Variants in ACSBG1 observed in about 807,000 individuals in gnomAD.
ACSBG1 encodes acyl-CoA synthetase bubblegum family member 1.
A neutral mutation model predicts 80.2 loss-of-function variants in ACSBG1; 39 were observed. That is an observed-to-expected ratio of 0.49 (90% CI 0.38 to 0.64). The LOEUF (loss-of-function observed/expected upper bound fraction) is 0.64, where lower values mean the gene tolerates loss of function less well. Ranked by LOEUF, ACSBG1 falls within the 30% of genes least tolerant of loss-of-function variation. The pLI is 0.00. For synonymous variants in ACSBG1, 392 were observed against 379.5 expected (o/e 1.03, Z -0.38); for missense variants, 828 against 966.4 (o/e 0.86, Z 1.90).
rs1346961925 is a variant in ACSBG1 at position 78,170,051 on chromosome 15, A to G, written c.*1393T>C. Reference sequence around the variant, plus strand: ...TCTGCCTCAGCAGTACCAGTATAAGATGACATTCCAAAGACTGGAGGCAAC... The same window carrying G: ...TCTGCCTCAGCAGTACCAGTATAAGGTGACATTCCAAAGACTGGAGGCAAC... On this transcript the variant is annotated 3_prime_UTR_variant, in exon 14 of 14. Transcript: ENST00000258873. The G allele has an allele frequency of 1.3e-5, 2 of 152,244 alleles. No homozygotes were observed. Among genetic ancestry groups the G allele is most frequent in the Non-Finnish European group, 2.9e-5 (2 of 68,046 alleles). The allele number at this position is 152,244 out of a possible 1,614,324, so 9.4% of individuals were successfully genotyped here.
intron 2 of ACSBG1, among the ~76,000 whole-genome samples, chr15:78,205,574 C>G (rs2141364254): frequency 6.6e-6 from 1 of 152,330 alleles, no homozygotes; most frequent in South Asian, 2.1e-4. Context: ...GAGAAAATCA[C>G]TAACCCTCTC....
intron 10 of ACSBG1, 87 bp downstream of exon 10, chr15:78,179,462 AG>A: frequency 1.6e-6 from 2 of 1,224,480 alleles, no homozygotes; most frequent in Non-Finnish European, 2.3e-6. Context: ...TGCAAAGAGA[AG>A]GGGATCCCCA....
intron 1 of ACSBG1, chr15:78,213,978 G>A (rs1029452159): frequency 2.8e-4 from 43 of 152,152 alleles, no homozygotes; most frequent in African/African-American, 8.9e-4. Flanking sequence ...TGTGAACAGG[G>A]GTCTCCACGG....
intron 5 of ACSBG1, among the ~76,000 whole-genome samples, chr15:78,192,276 C>T (rs2075063643): frequency 6.6e-6 from 1 of 152,016 alleles, no homozygotes; most frequent in African/African-American, 2.4e-5. Context: ...TCCAGGTGAC[C>T]TCTGCGGCTG....
At position 78,173,604 on chromosome 15, in the gene ACSBG1, C is replaced by A; in HGVS notation, c.2078G>T (p.Gly693Val). Reference sequence around the variant, plus strand: ...AAGGAAAAACCTACCCAACTCTCCACCCGAAATGGAGAAGTCTCTCTCGAG... The same window carrying A: ...AAGGAAAAACCTACCCAACTCTCCAACCGAAATGGAGAAGTCTCTCTCGAG... ...AILERDFSIS[G>V]GELGPTMKLK... is the part of the protein sequence containing the mutation. The change falls in exon 13 of 14, where the codon GGT (glycine) becomes GTT (valine). Residue 693 changes from glycine to valine, a missense_variant. Gly to Val is a moderately radical substitution (Grantham distance 109, BLOSUM62 -3). Transcript: ENST00000258873. The A allele has an allele frequency of 6.2e-7, 1 of 1,614,170 alleles. No homozygotes were observed. The highest frequency in any genetic ancestry group is 1.7e-5 in the Admixed American group (1 of 60,026).
Position 78,172,511 on chromosome 15 carries a change from G to A in ACSBG1, c.2090-982C>T, listed in dbSNP as rs1286121936. On this transcript the variant is annotated intron_variant, in intron 13 of 13. Transcript: ENST00000258873. This position sits in a 1 kb window ranked among gnomAD's most constrained non-coding sequence, Gnocchi z 4.1. ...AAAGAGCTCTGATTTGAGGTCCTGGGTAGCTTAAAGTGCCTAACTCACTCT... is the reference window on the plus strand; with the variant it reads ...AAAGAGCTCTGATTTGAGGTCCTGGATAGCTTAAAGTGCCTAACTCACTCT... 2.0e-5 allele frequency among the ~76,000 whole-genome samples: 3 copies of A among 152,146 alleles called. No homozygotes were observed. The highest frequency in any genetic ancestry group is 7.2e-5 in the African/African-American group (3 of 41,428).
intron 8 of ACSBG1, 187 bp from the exon 9 acceptor site, chr15:78,181,123 T>A: frequency 1.5e-6 from 1 of 675,096 alleles, no homozygotes; most frequent in South Asian, 2.1e-5. Context: ...CACAGAACCC[T>A]GGTGGCAGGC....
intron 9 of ACSBG1, 100 bp downstream of exon 9, chr15:78,180,648 CGGCCACT>C: frequency 7.0e-7 from 1 of 1,431,720 alleles, no homozygotes; most frequent in East Asian, 2.3e-5. Context: ...CAGAGCTGCC[CGGCCACT>C]GGAACCGGGA....
chr15:78,203,749 A>G (rs2075189218), intron 2 of ACSBG1, among the ~76,000 whole-genome samples: 1 of 152,220 alleles, frequency 6.6e-6, no homozygotes, highest in Non-Finnish European at 1.5e-5. Flanking sequence ...GTCTGTGGGA[A>G]AGGCTGCAGG....
intron 1 of ACSBG1, among the ~76,000 whole-genome samples, chr15:78,227,357 T>A (rs910673529): frequency 2.7e-5 from 4 of 148,100 alleles, no homozygotes. Context: ...AAATCAATAA[T>A]AAAAGGATTA....
chr15:78,212,253 C>T (rs190692631), intron 1 of ACSBG1, among the ~76,000 whole-genome samples: 4 of 152,276 alleles, frequency 2.6e-5, no homozygotes, highest in Non-Finnish European at 5.9e-5. Flanking sequence ...GGCCGAGTCA[C>T]GGTTCCTCTC....
chr15:78,196,191 G>A (rs2075112843), intron 2 of ACSBG1, among the ~76,000 whole-genome samples: 1 of 152,344 alleles, frequency 6.6e-6, no homozygotes, highest in Middle Eastern at 3.4e-3. Flanking sequence ...AGGGAGCCCT[G>A]AGCCTTCAGG....
In ACSBG1 at chr15:78,189,015, T is replaced by C. The variant is rs1211030736; in HGVS notation, c.663+4491A>G. On this transcript the variant is annotated intron_variant, in intron 5 of 13. Coordinates refer to ENST00000258873, the MANE Select transcript of ACSBG1 (RefSeq NM_015162.5). ...CCCATCAAAAAGTGGGCGAAGGACATGAACAGACACTTCTCAAAAGAAGAC... is the reference window on the plus strand; with the variant it reads ...CCCATCAAAAAGTGGGCGAAGGACACGAACAGACACTTCTCAAAAGAAGAC... Among the ~76,000 whole-genome samples the C allele has an allele frequency of 7.1e-3, 1,072 of 151,276 alleles. 16 individuals are homozygous for C. Among genetic ancestry groups the C allele is most frequent in the African/African-American group, 0.025 (1,019 of 41,100 alleles).
intron 1 of ACSBG1, among the ~76,000 whole-genome samples, chr15:78,216,786 C>T (rs546660166): frequency 6.6e-6 from 1 of 152,292 alleles, no homozygotes; most frequent in African/African-American, 2.4e-5. Flanking sequence ...CACTTCTTAC[C>T]CAGTTGGCAG....
At chr15:78,222,895 AT>A (rs2075370251) in intron 1 of ACSBG1, among the ~76,000 whole-genome samples, 5 of 152,210 alleles carry the variant, frequency 3.3e-5, no homozygotes, top group Admixed American at 2.6e-4. Flanking sequence ...AAAGAATGAC[AT>A]TTTTATTTAA....
chr15:78,193,887 C>T (rs1377785859), intron 4 of ACSBG1, 45 bp downstream of exon 4: 1 of 1,604,504 alleles, frequency 6.2e-7, no homozygotes, highest in Non-Finnish European at 8.5e-7. Flanking sequence ...ACCCTCTGCC[C>T]ACTGCCAACC....
chr15:78,226,793 T>TATATATATATATA (rs71148506), intron 1 of ACSBG1, among the ~76,000 whole-genome samples: 1 of 129,020 alleles, frequency 7.8e-6, no homozygotes, highest in Non-Finnish European at 1.6e-5. Flanking sequence ...AAAATATATA[T>TATATATATATATA]ATATATATAA....
Position 78,169,034 on chromosome 15 carries a change from C to A in ACSBG1, c.*2410G>T. The A allele has an allele frequency of 1.4e-6, 2 of 1,385,008 alleles. No homozygotes were observed. Among genetic ancestry groups the A allele is most frequent in the South Asian group, 2.3e-5 (2 of 85,482 alleles). The allele number at this position is 1,385,008 out of a possible 1,614,324, so 85.8% of individuals were successfully genotyped here. On this transcript the variant is annotated 3_prime_UTR_variant, in exon 14 of 14. Transcript: ENST00000258873. ...TTCTACAACTGGCATTTACATCAGTCACTCTAAATGGACACCACATGAACC... is the reference window on the plus strand; with the variant it reads ...TTCTACAACTGGCATTTACATCAGTAACTCTAAATGGACACCACATGAACC...
chr15:78,180,790 C>T lies in ACSBG1; in HGVS notation c.1218G>A (p.Ser406=), dbSNP rs772265446. The T allele has an allele frequency of 7.8e-5, 126 of 1,614,044 alleles. No individual in the cohort carries two copies. The highest frequency in any genetic ancestry group is 8.1e-5 in the Non-Finnish European group (96 of 1,180,038). ...AGGTGAGGTTCTGCTCCAAGGTCAC[C>T]GACATGGCCCACAGCAGCATCTTTC... The part of the protein sequence containing the change: ...IRRKMLLWAM[S]VTLEQNLTCP... The change falls in exon 9 of 14, where the codon TCG becomes TCA. Residue 406 remains serine (S), a synonymous_variant. Transcript: ENST00000258873.
Sources: allele counts gnomAD v4.1 joint callset (sites outside exome capture counted in the v4.1 genomes callset), GRCh38; gene constraint gnomAD v4.1.1; non-coding constraint Gnocchi (gnomAD v3.1); transcripts MANE v1.5; gene names NCBI Gene and HGNC (gene_info 2026-07-23, HGNC 2026-07-21).